The following FCRL6 variants were observed in gnomAD, a reference collection of about 807,000 sequenced individuals.
FCRL6 encodes the protein Fc receptor like 6.
FCRL6 carries 50 observed loss-of-function variants against 49.1 expected under a neutral mutation model. That is an observed-to-expected ratio of 1.02 (90% CI 0.81 to 1.29). The LOEUF (loss-of-function observed/expected upper bound fraction) is 1.29. Ranked by LOEUF, FCRL6 falls within the 50% of genes most tolerant of loss-of-function variation. The pLI is 0.00. For synonymous variants in FCRL6, 213 were observed against 199.6 expected (o/e 1.07, Z -0.57); for missense variants, 571 against 518.5 (o/e 1.10, Z -0.98).
At chr1:159,805,918 C>T (rs1391284227) in intron 1 of FCRL6, among the ~76,000 whole-genome samples, 2 of 152,200 alleles carry the variant, frequency 1.3e-5, no homozygotes, top group Non-Finnish European at 1.5e-5. Context: ...CAGGCACATT[C>T]GTACAAGAGT....
intron 2 of FCRL6, 59 bp downstream of exon 2, chr1:159,806,675 G>T: frequency 6.4e-7 from 1 of 1,555,518 alleles, no homozygotes; most frequent in East Asian, 2.2e-5. Flanking sequence ...AAACTTACTG[G>T]ATGGGAACAG....
rs1663374057 is a variant in FCRL6, at chr1:159,815,843, C to G, written c.*182C>G. On this transcript the variant is annotated 3_prime_UTR_variant, in exon 10 of 10. Coordinates refer to ENST00000368106, the MANE Select transcript of FCRL6 (RefSeq NM_001004310.3). The stretch of plus-strand genomic sequence containing the variant: ...CTGGGTTCTTTTCTTAGCAGAAGAC[C>G]AACCAATGGAATGGGAAGGGAGATG... The G allele has an allele frequency of 3.2e-6, 2 of 634,008 alleles. No individual in the cohort carries two copies. The highest frequency in any genetic ancestry group is 5.3e-6 in the Non-Finnish European group (2 of 374,140). The allele number at this position is 634,008 out of a possible 1,614,324, so 39.3% of individuals were successfully genotyped here. A position where few individuals can be genotyped will look rare whatever the true frequency, so the allele number is the denominator to read the frequency against.
chr1:159,814,324 T>G (rs1663263258), intron 8 of FCRL6, 32 bp downstream of exon 8: 2 of 1,588,516 alleles, frequency 1.3e-6, no homozygotes, highest in Non-Finnish European at 1.7e-6. Flanking sequence ...TTGGTACCTT[T>G]GCAAACAGAA....
rs1663395196 is a variant in FCRL6, at chr1:159,816,255, G to A, written c.*594G>A. 6.5e-6 allele frequency: 1 copy of A among 152,690 alleles called. No individual in the cohort carries two copies. The highest frequency in any genetic ancestry group is 6.5e-5 in the Admixed American group (1 of 15,374). 9.5% of individuals were successfully genotyped at this position (152,690 alleles called of 1,614,324 possible). A position where few individuals can be genotyped will look rare whatever the true frequency, so the allele number is the denominator to read the frequency against. ...ATAAACAACTATGTTACTGGTTTAT[G>A]TATTTACTATAACTTTTTCTTTTTG... On this transcript the variant is annotated 3_prime_UTR_variant, in exon 10 of 10. Transcript: ENST00000368106.
In FCRL6 at chr1:159,815,584, G is replaced by A. The variant is rs1400244870; in HGVS notation, c.1228G>A (p.Val410Ile). Reference protein sequence around the residue: ...AEVRCLQPSEVSSTEVNMRSR... With the variant: ...AEVRCLQPSEISSTEVNMRSR... The stretch of plus-strand genomic sequence containing the variant: ...GGTGAGATGCCTGCAGCCCAGTGAG[G>A]TTTCATCCACGGAGGTGAATATGAG... The change falls in exon 10 of 10, where the codon GTT (valine) becomes ATT (isoleucine). Residue 410 changes from valine to isoleucine, a missense_variant. Physicochemically the swap from Val to Ile is conservative, Grantham distance 29 (BLOSUM62 3). Transcript: ENST00000368106. 1 of 1,614,194 alleles carries A rather than the reference G, an allele frequency of 6.2e-7. No individual in the cohort carries two copies. The highest frequency in any genetic ancestry group is 1.7e-5 in the Admixed American group (1 of 60,026).
upstream of FCRL6, chr1:159,800,559 A>T: frequency 6.5e-7 from 1 of 1,545,598 alleles, no homozygotes; most frequent in Non-Finnish European, 8.8e-7. Context: ...ACAACTCAGG[A>T]GATCTGTTGG....
intron 5 of FCRL6, 89 bp downstream of exon 5, chr1:159,809,772 C>T: frequency 8.4e-7 from 1 of 1,191,524 alleles, no homozygotes; most frequent in Non-Finnish European, 1.2e-6. Flanking sequence ...TCACGACTGG[C>T]ACAGTGCTGG....
chr1:159,814,336 T>C, intron 8 of FCRL6, 44 bp downstream of exon 8: 1 of 1,496,536 alleles, frequency 6.7e-7, no homozygotes, highest in Non-Finnish European at 9.3e-7. Flanking sequence ...CAAACAGAAG[T>C]TTTGGACCTA....
At chr1:159,812,242 A>G (rs558257538) in intron 6 of FCRL6, among the ~76,000 whole-genome samples, 1 of 152,320 alleles carries the variant, frequency 6.6e-6, no homozygotes, top group Admixed American at 6.5e-5. Context: ...CACTTTCAGG[A>G]CCAATTCCTT....
chr1:159,814,082 C>T (rs563794585), intron 7 of FCRL6, 139 bp from the exon 8 acceptor site: 2 of 762,104 alleles, frequency 2.6e-6, no homozygotes, highest in East Asian at 2.5e-5. Context: ...TGGCTATCCC[C>T]ACATTAGTGA....
At chr1:159,807,415 G>A (rs532945193) in intron 2 of FCRL6, among the ~76,000 whole-genome samples, 1 of 152,318 alleles carries the variant, frequency 6.6e-6, no homozygotes, top group East Asian at 1.9e-4. Flanking sequence ...TACAGGCTGG[G>A]GACAGATACA....
intron 6 of FCRL6, among the ~76,000 whole-genome samples, chr1:159,812,457 T>C (rs1183840727): frequency 6.6e-6 from 1 of 152,226 alleles, no homozygotes; most frequent in East Asian, 1.9e-4. Context: ...GATATGGTCA[T>C]GCAAGGGGTC....
chr1:159,812,197 G>A (rs747752043), intron 6 of FCRL6, among the ~76,000 whole-genome samples: 6 of 152,122 alleles, frequency 3.9e-5, no homozygotes, highest in Admixed American at 6.6e-5. Context: ...AATCTCAGGC[G>A]CACAAAATAT....
intron 5 of FCRL6, 29 bp from the exon 6 acceptor site, chr1:159,810,065 C>A: frequency 1.2e-6 from 2 of 1,602,644 alleles, no homozygotes; most frequent in Non-Finnish European, 1.7e-6. Flanking sequence ...CTTCAGTGCT[C>A]ATGGCCACCT....
intron 7 of FCRL6, 29 bp from the exon 8 acceptor site, chr1:159,814,192 T>A (rs1269348291): frequency 3.1e-6 from 5 of 1,602,620 alleles, no homozygotes; most frequent in Middle Eastern, 1.7e-4. Context: ...GTCAGGAGGA[T>A]CCTATTTAAG....
rs974570484 is a variant in FCRL6, at chr1:159,815,277, C to T, written c.1148-151C>T. 15 of 757,826 alleles carry T rather than the reference C, an allele frequency of 2.0e-5. No homozygotes were observed. The African/African-American group carries it at 2.7e-4, about 13-fold the overall frequency. 46.9% of individuals were successfully genotyped at this position (757,826 alleles called of 1,614,324 possible). On this transcript the variant is annotated intron_variant, in intron 8 of 9. Transcript: ENST00000368106. ...CCAGCTGGAACTAGAACCCAGGTCT[C>T]CCAATTCCAGGTTGAGGAGGAGTGA...
intron 6 of FCRL6, among the ~76,000 whole-genome samples, chr1:159,813,272 T>G (rs1663189460): frequency 6.6e-6 from 1 of 152,174 alleles, no homozygotes; most frequent in Non-Finnish European, 1.5e-5. Flanking sequence ...CCTTACTTCC[T>G]CCTAGTTTGT....
intron 2 of FCRL6, among the ~76,000 whole-genome samples, chr1:159,807,650 C>T (rs1557872823): frequency 6.6e-6 from 1 of 152,296 alleles, no homozygotes; most frequent in South Asian, 2.1e-4. Flanking sequence ...CAGGCTGTGG[C>T]ACCTCCAACA....
upstream of FCRL6, chr1:159,802,357 GCT>G: frequency 6.3e-7 from 1 of 1,598,150 alleles, no homozygotes; most frequent in Non-Finnish European, 8.5e-7. Context: ...AGGCCTGGTT[GCT>G]CTCTGCCGGC....
Sources: allele counts gnomAD v4.1 joint callset (sites outside exome capture counted in the v4.1 genomes callset), GRCh38; gene constraint gnomAD v4.1.1; transcripts MANE v1.5; gene names NCBI Gene and HGNC (gene_info 2026-07-23, HGNC 2026-07-21).